LHFPL3: variants seen among roughly 807,000 people sequenced by gnomAD.
The protein encoded by LHFPL3 is LHFPL tetraspan subfamily member 3, also known as LHFPL tetraspan subfamily member 3 protein.
In LHFPL3, 5 loss-of-function variants were observed where a neutral mutation model predicts 19.3. The ratio of observed to expected loss-of-function variants is 0.26; its 90% CI spans 0.14 to 0.54. The LOEUF is 0.54. Among genes scored for constraint, LHFPL3 ranks in the 20% least tolerant of loss-of-function variants. The probability of loss-of-function intolerance (pLI) is 0.94; values close to 1 mark genes in which losing one functional copy is unlikely to be tolerated. For synonymous variants in LHFPL3, 133 were observed against 126.2 expected, an observed-to-expected ratio of 1.05 and a Z score of -0.36; for missense variants, 249 against 307.4, an observed-to-expected ratio of 0.81 and a Z score of 1.42.
chr7:104,535,069 G>A (rs1794367708), intron 1 of LHFPL3, among the ~76,000 whole-genome samples: 1 of 152,138 alleles, frequency 6.6e-6, no homozygotes, highest in African/African-American at 2.4e-5. Flanking sequence ...TTTCTGTCAT[G>A]TTTTTGGTCC....
intron 1 of LHFPL3, among the ~76,000 whole-genome samples, chr7:104,609,747 ATTAG>A (rs1218416704): frequency 1.3e-5 from 2 of 152,254 alleles, no homozygotes; most frequent in African/African-American, 4.8e-5. Flanking sequence ...AAACTGTCTA[ATTAG>A]TTTTAAAATA....
chr7:104,562,032 G>A (rs1439523094), intron 1 of LHFPL3, among the ~76,000 whole-genome samples: 2 of 152,042 alleles, frequency 1.3e-5, no homozygotes, highest in African/African-American at 4.8e-5. Context: ...CTGGCTTGTA[G>A]GGTTTCTGCT....
chr7:104,782,152 C>T (rs746124663), intron 2 of LHFPL3, among the ~76,000 whole-genome samples: 1 of 152,194 alleles, frequency 6.6e-6, no homozygotes, highest in African/African-American at 2.4e-5. Context: ...GCTTCACTCA[C>T]ATGCCTAGCA....
At position 104,884,443 on chromosome 7, in the gene LHFPL3, G is replaced by A. The variant is rs1416978985; in HGVS notation, c.683-21744G>A. Among the ~76,000 whole-genome samples the A allele has an allele frequency of 3.9e-5, 6 of 152,042 alleles. No homozygotes were observed. The East Asian group carries it at 7.7e-4, about 20-fold the overall frequency. On this transcript the variant is annotated intron_variant, in intron 2 of 2. Coordinates refer to ENST00000424859, the MANE Select transcript of LHFPL3 (RefSeq NM_199000.3). ...CCAGCCACCTGCACCAGAATCATCC[G>A]GACCTACCAAGTTGGAATATCTGGG...
chr7:104,598,111 A>G (rs1790898684), intron 1 of LHFPL3, among the ~76,000 whole-genome samples: 1 of 152,226 alleles, frequency 6.6e-6, no homozygotes, highest in African/African-American at 2.4e-5. Context: ...GATGATGTTG[A>G]ATATGAAGCC....
chr7:104,483,938 A>G (rs529176449), intron 1 of LHFPL3, among the ~76,000 whole-genome samples: 1 of 152,304 alleles, frequency 6.6e-6, no homozygotes, highest in Admixed American at 6.5e-5. Flanking sequence ...ACATGTAGTC[A>G]TTTTATATAA....
At chr7:104,396,492 A>C (rs1173945468) in intron 1 of LHFPL3, among the ~76,000 whole-genome samples, 1 of 152,102 alleles carries the variant, frequency 6.6e-6, no homozygotes, top group Non-Finnish European at 1.5e-5. Flanking sequence ...AAATACTATA[A>C]TGCTGGGTTC....
chr7:104,703,868 G>A (rs1400148573), intron 1 of LHFPL3, among the ~76,000 whole-genome samples: 1 of 152,014 alleles, frequency 6.6e-6, no homozygotes. Context: ...TAATTCGGAA[G>A]TGCTGATCAA....
chr7:104,486,498 C>CCT (rs1793240221), intron 1 of LHFPL3, among the ~76,000 whole-genome samples: 1 of 152,126 alleles, frequency 6.6e-6, no homozygotes, highest in Non-Finnish European at 1.5e-5. Context: ...ACTGGTGATG[C>CCT]TTTCTGGCTG....
chr7:104,898,333 T>G (rs1792408476), intron 2 of LHFPL3, among the ~76,000 whole-genome samples: 1 of 152,038 alleles, frequency 6.6e-6, no homozygotes, highest in Admixed American at 6.6e-5. Context: ...ATATAGCCAG[T>G]ACCACCCATT....
At chr7:104,850,366 G>T (rs1213651512) in intron 2 of LHFPL3, among the ~76,000 whole-genome samples, 2 of 152,172 alleles carry the variant, frequency 1.3e-5, no homozygotes, top group South Asian at 4.1e-4. Flanking sequence ...CTAGCCTTGG[G>T]GGAGAATGGG....
At chr7:104,747,384 G>A (rs984026907) in intron 2 of LHFPL3, among the ~76,000 whole-genome samples, 15 of 152,198 alleles carry the variant, frequency 9.9e-5, no homozygotes, top group African/African-American at 2.7e-4. Flanking sequence ...CAGAAGTAAC[G>A]GAGGGAAGAG....
intron 1 of LHFPL3, among the ~76,000 whole-genome samples, chr7:104,608,449 G>A (rs1178687931): frequency 1.5e-5 from 2 of 133,848 alleles, no homozygotes; most frequent in Non-Finnish European, 3.1e-5. Context: ...TGAACAACGA[G>A]AACACATGGA....
At chr7:104,864,666 G>T (rs1791686521) in intron 2 of LHFPL3, among the ~76,000 whole-genome samples, 1 of 152,234 alleles carries the variant, frequency 6.6e-6, no homozygotes, top group East Asian at 1.9e-4. Context: ...ATCTCTGGGG[G>T]CAGGCCATTG....
intron 1 of LHFPL3, among the ~76,000 whole-genome samples, chr7:104,402,761 T>C (rs919558361): frequency 6.6e-6 from 1 of 152,226 alleles, no homozygotes; most frequent in African/African-American, 2.4e-5. Flanking sequence ...AGGACTCCAT[T>C]ATAGATGTCA....
At chr7:104,753,837 G>C (rs1257100182) in intron 2 of LHFPL3, among the ~76,000 whole-genome samples, 1 of 152,232 alleles carries the variant, frequency 6.6e-6, no homozygotes, top group Admixed American at 6.5e-5. Context: ...AGTTAAAACA[G>C]TGAGTTATCG....
At chr7:104,611,312 C>T (rs966550465) in intron 1 of LHFPL3, among the ~76,000 whole-genome samples, 5 of 152,180 alleles carry the variant, frequency 3.3e-5, no homozygotes, top group African/African-American at 1.2e-4. Flanking sequence ...CAGATTAGAT[C>T]CAAAGTCATG....
chr7:104,677,292 A>G (rs531010528), intron 1 of LHFPL3, among the ~76,000 whole-genome samples: 4 of 151,808 alleles, frequency 2.6e-5, no homozygotes, highest in South Asian at 4.2e-4. Flanking sequence ...TAGGAGGATC[A>G]TTTGAGCCTC....
chr7:104,799,855 T>C (rs913031333), intron 2 of LHFPL3: 2 of 153,326 alleles, frequency 1.3e-5, no homozygotes, highest in Non-Finnish European at 2.9e-5. Context: ...TTCCCATGAC[T>C]TCACCCGCAG....
Sources: gnomAD v4.1 joint callset for allele counts (sites outside exome capture counted in the v4.1 genomes callset) on GRCh38, gnomAD v4.1.1 for gene constraint, MANE v1.5 for transcripts, NCBI Gene and HGNC (gene_info 2026-07-23, HGNC 2026-07-21) for gene names.